Variants in SYNPO2 observed in about 807,000 individuals in gnomAD.
SYNPO2 encodes the protein synaptopodin 2.
In SYNPO2, 56 loss-of-function variants were observed where a neutral mutation model predicts 85.0. The observed-to-expected ratio is 0.66, with a 90% CI of 0.53 to 0.82. The LOEUF is 0.82. Among genes scored for constraint, SYNPO2 ranks in the 40% least tolerant of loss-of-function variants. SYNPO2 has a pLI of 0.00. For synonymous variants in SYNPO2, 602 were observed against 591.1 expected (o/e 1.02, Z -0.27); for missense variants, 1,575 against 1,534.2 (o/e 1.03, Z -0.44).
At chr4:118,932,903 G>C (rs1733979783) in intron 1 of SYNPO2, among the ~76,000 whole-genome samples, 1 of 152,108 alleles carries the variant, frequency 6.6e-6, no homozygotes, top group Admixed American at 6.5e-5. Context: ...TCTTGCCCAT[G>C]AATAGCAATG....
chr4:118,975,625 TTTA>T (rs1469937773), intron 1 of SYNPO2, among the ~76,000 whole-genome samples: 5 of 152,124 alleles, frequency 3.3e-5, no homozygotes, highest in Non-Finnish European at 4.4e-5. Context: ...TACCACACAA[TTTA>T]TTAAGGGCAC....
At position 118,888,905 on chromosome 4, in the gene SYNPO2, C is replaced by A; in HGVS notation, c.-132C>A. 2.3e-6 allele frequency: 2 copies of A among 878,026 alleles called. No individual in the cohort carries two copies. The highest frequency in any genetic ancestry group is 3.6e-6 in the Non-Finnish European group (2 of 554,606). 54.4% of individuals were successfully genotyped at this position (878,026 alleles called of 1,614,324 possible). The stretch of plus-strand genomic sequence containing the variant: ...GCGGCGGCTGGGGCAGCGGCTGCAG[C>A]AGCGGCGGACGCTCTGCATTACCCA... On this transcript the variant is annotated 5_prime_UTR_variant, in exon 1 of 5. Coordinates refer to ENST00000307142, the MANE Select transcript of SYNPO2 (RefSeq NM_133477.3).
chr4:119,008,325 A>C (rs770318942), intron 1 of SYNPO2, among the ~76,000 whole-genome samples: 15 of 152,116 alleles, frequency 9.9e-5, no homozygotes, highest in Non-Finnish European at 1.9e-4. Flanking sequence ...AGCCTAGAAC[A>C]CTGCCTGCTG....
intron 1 of SYNPO2, among the ~76,000 whole-genome samples, chr4:118,878,519 T>C (rs1266220659): frequency 6.6e-6 from 1 of 152,174 alleles, no homozygotes; most frequent in Non-Finnish European, 1.5e-5. Flanking sequence ...AAATTTTCCA[T>C]CTACCTAAAG....
At chr4:118,868,167 C>G (rs1036843403) in intron 1 of SYNPO2, among the ~76,000 whole-genome samples, 45 of 150,892 alleles carry the variant, frequency 3.0e-4, no homozygotes, top group African/African-American at 9.8e-4. Flanking sequence ...AAATTAGATG[C>G]TCTTGTAAAA....
At chr4:118,866,599 G>A (rs1233653389) in intron 1 of SYNPO2, among the ~76,000 whole-genome samples, 1 of 152,100 alleles carries the variant, frequency 6.6e-6, no homozygotes, top group African/African-American at 2.4e-5. Context: ...ATATGGTTTG[G>A]TTCTGTGTCC....
At chr4:118,863,665 G>A (rs1280134661) in intron 1 of SYNPO2, among the ~76,000 whole-genome samples, 1 of 151,850 alleles carries the variant, frequency 6.6e-6, no homozygotes. Context: ...ATGCTGGAGT[G>A]CAGTGGCGTG....
intron 1 of SYNPO2, among the ~76,000 whole-genome samples, chr4:118,859,646 G>A (rs1731575224): frequency 6.6e-6 from 1 of 151,912 alleles, no homozygotes; most frequent in African/African-American, 2.4e-5. Flanking sequence ...TTAAGTTTTA[G>A]CTCCCACAGA....
At chr4:119,024,637 T>C (rs1402647321) in intron 2 of SYNPO2, among the ~76,000 whole-genome samples, 1 of 152,056 alleles carries the variant, frequency 6.6e-6, no homozygotes, top group Non-Finnish European at 1.5e-5. Context: ...GAAGAGAAAA[T>C]AAGTTTATAA....
chr4:118,980,269 G>A lies in SYNPO2; in HGVS notation c.106-43161G>A, dbSNP rs185279245. On this transcript the variant is annotated intron_variant, in intron 1 of 4. Coordinates refer to ENST00000307142, the MANE Select transcript of SYNPO2 (RefSeq NM_133477.3). ...GGGGCCCACTCAGACCTTACAATAT[G>A]TCTTCTAGAGGCACAGAGTGAAAAG... Among the ~76,000 whole-genome samples the A allele has an allele frequency of 3.3e-3, 495 of 152,192 alleles. 3 individuals carry two copies. Among genetic ancestry groups the A allele is most frequent in the African/African-American group, 0.012 (483 of 41,518 alleles).
intron 1 of SYNPO2, among the ~76,000 whole-genome samples, chr4:118,968,718 A>G (rs1214519756): frequency 6.6e-6 from 1 of 152,170 alleles, no homozygotes; most frequent in Non-Finnish European, 1.5e-5. Flanking sequence ...AACTTTAAGT[A>G]TATACTGACT....
intron 2 of SYNPO2, 113 bp downstream of exon 2, chr4:119,023,694 G>A (rs1299531779): frequency 8.0e-6 from 10 of 1,249,738 alleles, no homozygotes; most frequent in Non-Finnish European, 8.5e-6. Flanking sequence ...GTGCTTTGTA[G>A]AAGGTTAGGT....
chr4:118,888,518 A>G (rs1171120550), upstream of SYNPO2, among the ~76,000 whole-genome samples: 1 of 152,228 alleles, frequency 6.6e-6, no homozygotes, highest in Non-Finnish European at 1.5e-5. Flanking sequence ...ATCCTCTAGT[A>G]GTTGAATTCC....
At chr4:119,016,743 A>G (rs140907556) in intron 1 of SYNPO2, among the ~76,000 whole-genome samples, 2 of 152,344 alleles carry the variant, frequency 1.3e-5, no homozygotes, top group East Asian at 3.9e-4. Flanking sequence ...AAAGAAAGAA[A>G]AGCAGAGAAT....
chr4:119,026,586 T>C (rs1279507188), intron 2 of SYNPO2, 41 bp from the exon 3 acceptor site: 1 of 1,534,880 alleles, frequency 6.5e-7, no homozygotes, highest in East Asian at 2.3e-5. Flanking sequence ...AGATGTAACA[T>C]AGTCTGATTT....
At chr4:118,982,701 C>G (rs1736077044) in intron 1 of SYNPO2, among the ~76,000 whole-genome samples, 1 of 152,194 alleles carries the variant, frequency 6.6e-6, no homozygotes, top group African/African-American at 2.4e-5. Flanking sequence ...TATTTAAGTT[C>G]TCTTTCCAAA....
chr4:118,888,870 G>C lies in SYNPO2; in HGVS notation c.-167G>C. 1 of 684,572 alleles carries C rather than the reference G, an allele frequency of 1.5e-6. No homozygotes were observed. 42.4% of individuals were successfully genotyped at this position (684,572 alleles called of 1,614,324 possible). On this transcript the variant is annotated 5_prime_UTR_variant, in exon 1 of 5. Transcript: ENST00000307142. The stretch of plus-strand genomic sequence containing the variant: ...CCATTAGCCGCACAAATTCGCAGCA[G>C]GCGGCTGGGGCGGCGGCTGGGGCAG...
intron 4 of SYNPO2, among the ~76,000 whole-genome samples, chr4:119,052,474 C>G (rs188947347): frequency 2.0e-5 from 3 of 152,360 alleles, no homozygotes; most frequent in Non-Finnish European, 4.4e-5. Context: ...CTGGGCCTGT[C>G]TGGCCCCAAG....
rs58275604 is a variant in SYNPO2 at position 119,001,909 on chromosome 4, A to G, written c.106-21521A>G. On this transcript the variant is annotated intron_variant, in intron 1 of 4. Transcript: ENST00000307142. ...TCTGTGTGATTTCTTGATTTTTCTCAGTTGTAAAAATTATTCATTGTTATG... is the reference window on the plus strand; with the variant it reads ...TCTGTGTGATTTCTTGATTTTTCTCGGTTGTAAAAATTATTCATTGTTATG... Among the ~76,000 whole-genome samples, 509 of 152,190 alleles carry G rather than the reference A, an allele frequency of 3.3e-3. 2 individuals carry two copies. The highest frequency in any genetic ancestry group is 0.011 in the African/African-American group (473 of 41,540).
Sources: allele counts gnomAD v4.1 joint callset (sites outside exome capture counted in the v4.1 genomes callset), GRCh38; gene constraint gnomAD v4.1.1; transcripts MANE v1.5; gene names NCBI Gene and HGNC (gene_info 2026-07-23, HGNC 2026-07-21).